Variants in KCNN3 observed in about 807,000 individuals in gnomAD.
KCNN3 encodes the protein small conductance calcium-activated potassium channel protein 3.
In KCNN3, 16 loss-of-function variants were observed where a neutral mutation model predicts 62.9. The observed-to-expected ratio is 0.25, with a 90% CI of 0.17 to 0.39. KCNN3 has a LOEUF of 0.39. Among genes scored for constraint, KCNN3 ranks in the 10% least tolerant of loss-of-function variants. The probability of loss-of-function intolerance (pLI) is 1.00; values close to 1 mark genes in which losing one functional copy is unlikely to be tolerated. For missense variants in KCNN3, 599 were observed against 949.4 expected, an observed-to-expected ratio of 0.63 and a Z score of 4.85; for synonymous variants, 370 against 389.2, an observed-to-expected ratio of 0.95 and a Z score of 0.58.
chr1:154,772,424 C>G lies in KCNN3; in HGVS notation c.1030-31G>C, dbSNP rs1468411709. On this transcript the variant is annotated intron_variant, in intron 2 of 7. Transcript: ENST00000271915. This position sits in a 1 kb window ranked among gnomAD's most constrained non-coding sequence, Gnocchi z 5.6. Reference sequence around the variant, plus strand: ...GGGAGCAGAAAGTCCATTAGTGTGGCCAGGACCAGGAAGCCCACAGCAGGG... The same window carrying G: ...GGGAGCAGAAAGTCCATTAGTGTGGGCAGGACCAGGAAGCCCACAGCAGGG... The G allele has an allele frequency of 3.1e-6, 5 of 1,609,922 alleles. No individual in the cohort carries two copies. Among genetic ancestry groups the G allele is most frequent in the Non-Finnish European group, 4.2e-6 (5 of 1,177,642 alleles).
rs554535092 is a variant in KCNN3, at chr1:154,869,701, G to A, written c.264C>T (p.Leu88=). The A allele has an allele frequency of 3.9e-6, 6 of 1,538,792 alleles. No individual in the cohort carries two copies. The highest frequency in any genetic ancestry group is 2.3e-5 in the South Asian group (2 of 85,772). ...GGACGGGCTGGCTCTGGAGTTGGGC[G>A]AGCTGAGACAGGGGATGCGGTGGCT... ...QQQPPHPLSQ[L]AQLQSQPVHP... is the part of the protein sequence containing the mutation. The change falls in exon 1 of 8, where the codon CTC becomes CTT. Residue 88 remains leucine, a synonymous_variant. Transcript: ENST00000271915. This position sits in a 1 kb window ranked among gnomAD's most constrained non-coding sequence, Gnocchi z 6.1.
intron 5 of KCNN3, among the ~76,000 whole-genome samples, chr1:154,719,003 A>G (rs1035162690): frequency 6.6e-6 from 1 of 152,152 alleles, no homozygotes. Context: ...ATCCCATGTC[A>G]ATGACTTGCT....
intron 1 of KCNN3, among the ~76,000 whole-genome samples, chr1:154,867,371 A>G (rs962517853): frequency 2.0e-5 from 3 of 152,182 alleles, no homozygotes; most frequent in African/African-American, 7.2e-5. Context: ...TCCTTGAGCT[A>G]TTTTGACTAA....
chr1:154,708,064 C>T lies in KCNN3; in HGVS notation c.2108G>A (p.Gly703Asp), dbSNP rs1214606699. The T allele has an allele frequency of 4.3e-6, 7 of 1,613,198 alleles. No individual in the cohort carries two copies. The change falls in exon 8 of 8, where the codon GGC becomes GAC. Residue 703 changes from glycine to aspartate, a missense_variant. Gly to Asp is a moderately conservative substitution (Grantham distance 94). Coordinates refer to ENST00000271915, the MANE Select transcript of KCNN3 (RefSeq NM_002249.6). ...ATCGGAGATTGGGGTGTGGGTGGTG[C>T]CCACTGCCACGCTGACACCCCGGGC... ...IEARGVSVAV[G>D]TTHTPISDSP...
At chr1:154,849,911 C>T (rs1208411482) in intron 1 of KCNN3, among the ~76,000 whole-genome samples, 2 of 152,160 alleles carry the variant, frequency 1.3e-5, no homozygotes, top group Non-Finnish European at 2.9e-5. Flanking sequence ...AAAAATGTCT[C>T]CAGGCATTGC....
At chr1:154,829,321 C>T (rs1486726511) in intron 1 of KCNN3, among the ~76,000 whole-genome samples, 7 of 152,236 alleles carry the variant, frequency 4.6e-5, no homozygotes, top group Admixed American at 4.6e-4. Context: ...CCAGCTCTCT[C>T]CACGGCAGAG....
At chr1:154,767,709 ATGCAGAG>A (rs1648359619) in intron 3 of KCNN3, among the ~76,000 whole-genome samples, 1 of 152,338 alleles carries the variant, frequency 6.6e-6, no homozygotes, top group Non-Finnish European at 1.5e-5. Context: ...ATCCCAGAGA[ATGCAGAG>A]TGCCACAACT....
At chr1:154,802,896 C>T (rs569780841) in intron 2 of KCNN3, among the ~76,000 whole-genome samples, 88 of 152,282 alleles carry the variant, frequency 5.8e-4, no homozygotes, top group Non-Finnish European at 9.6e-4. Context: ...GCCATATTCT[C>T]CAGCTGCACC....
At chr1:154,713,317 C>T (rs1311243500) in intron 7 of KCNN3, 147 bp downstream of exon 7, 2 of 685,884 alleles carry the variant, frequency 2.9e-6, no homozygotes, top group African/African-American at 1.8e-5. Flanking sequence ...AAACTTGAGC[C>T]TAGGTATTTT....
At chr1:154,757,389 G>A (rs981232290) in intron 3 of KCNN3, among the ~76,000 whole-genome samples, 6 of 152,166 alleles carry the variant, frequency 3.9e-5, no homozygotes, top group African/African-American at 1.2e-4. Flanking sequence ...ACTGAGCTGT[G>A]GCTCTTATCT....
intron 5 of KCNN3, among the ~76,000 whole-genome samples, chr1:154,720,487 C>T (rs945753729): frequency 6.6e-6 from 1 of 152,200 alleles, no homozygotes; most frequent in Admixed American, 6.5e-5. Context: ...TTAGCTAAAC[C>T]TTCTATAATC....
At chr1:154,777,322 G>A (rs541129013) in intron 2 of KCNN3, among the ~76,000 whole-genome samples, 143 of 152,212 alleles carry the variant, frequency 9.4e-4, no homozygotes, top group African/African-American at 3.3e-3. Context: ...TGCCTGAGAC[G>A]TTGCCTGGCA....
chr1:154,831,136 C>T (rs1651363812), intron 1 of KCNN3, among the ~76,000 whole-genome samples: 1 of 152,196 alleles, frequency 6.6e-6, no homozygotes, highest in Non-Finnish European at 1.5e-5. Flanking sequence ...AGGATGAGGC[C>T]TTTTTAAAGG....
In KCNN3 at chr1:154,732,945, A is replaced by G. The variant is rs1700629345; in HGVS notation, c.1590+58T>C. 1.9e-6 allele frequency: 3 copies of G among 1,605,164 alleles called. No homozygotes were observed. In the South Asian group the frequency reaches 3.3e-5, roughly 18 times the overall value. ...GAAGGCCCCTATGTGCTTGCAAGAAAGAGTTCAGCTCTTTGCCACATTTTA... is the reference window on the plus strand; with the variant it reads ...GAAGGCCCCTATGTGCTTGCAAGAAGGAGTTCAGCTCTTTGCCACATTTTA... On this transcript the variant is annotated intron_variant, in intron 4 of 7. Transcript: ENST00000271915.
chr1:154,726,065 A>G (rs771802103), intron 4 of KCNN3, 39 bp from the exon 5 acceptor site: 117 of 1,497,002 alleles, frequency 7.8e-5, no homozygotes, highest in Non-Finnish European at 8.7e-5. Context: ...GGGAAAGAAC[A>G]TATCATTAAG....
Position 154,701,156 on chromosome 1 carries a change from G to C in KCNN3, c.*6820C>G, listed in dbSNP as rs1196483385. ...CAGCATGAATACCTAATGTCAGTGA[G>C]CCCCATGACTTATATACCTTTAAGC... On this transcript the variant is annotated 3_prime_UTR_variant, in exon 8 of 8. Transcript: ENST00000271915. 2 of 152,170 alleles carry C rather than the reference G, an allele frequency of 1.3e-5. No individual in the cohort carries two copies. Among genetic ancestry groups the C allele is most frequent in the African/African-American group, 4.8e-5 (2 of 41,424 alleles). The allele number at this position is 152,170 out of a possible 1,614,324, so 9.4% of individuals were successfully genotyped here. A position where few individuals can be genotyped will look rare whatever the true frequency, so the allele number is the denominator to read the frequency against.
chr1:154,815,061 G>T (rs1650603343), intron 2 of KCNN3, among the ~76,000 whole-genome samples: 1 of 152,144 alleles, frequency 6.6e-6, no homozygotes, highest in East Asian at 1.9e-4. Context: ...AGTACGAGTG[G>T]CCCGAGCTCC....
chr1:154,719,603 G>C (rs565317063), intron 5 of KCNN3, among the ~76,000 whole-genome samples: 2 of 152,140 alleles, frequency 1.3e-5, no homozygotes, highest in Non-Finnish European at 2.9e-5. Flanking sequence ...GAGTTACACA[G>C]GTTGAAATTA....
At chr1:154,842,653 C>T (rs1000816413) in intron 1 of KCNN3, among the ~76,000 whole-genome samples, 1 of 129,252 alleles carries the variant, frequency 7.7e-6, no homozygotes, top group African/African-American at 2.7e-5. Flanking sequence ...ACCACCTCCT[C>T]TGTGAGCTTT....
Sources: gnomAD v4.1 joint callset for allele counts (sites outside exome capture counted in the v4.1 genomes callset) on GRCh38, gnomAD v4.1.1 for gene constraint, Gnocchi (gnomAD v3.1) non-coding constraint, MANE v1.5 for transcripts, NCBI Gene and HGNC (gene_info 2026-07-23, HGNC 2026-07-21) for gene names.